The following DAB1 variants were observed in gnomAD, a reference collection of about 807,000 sequenced individuals.
The protein encoded by DAB1 is disabled homolog 1.
Under a neutral mutation model 64.6 loss-of-function variants are expected in DAB1, and 15 were observed. The ratio of observed to expected loss-of-function variants is 0.23; its 90% CI spans 0.16 to 0.36. The LOEUF is 0.36. Among genes scored for constraint, DAB1 ranks in the 10% least tolerant of loss-of-function variants. The pLI is 1.00. For synonymous variants in DAB1, 235 were observed against 251.9 expected (o/e 0.93, Z 0.64); for missense variants, 596 against 706.7 (o/e 0.84, Z 1.78).
chr1:57,304,577 C>T (rs1044916869), intron 1 of DAB1, among the ~76,000 whole-genome samples: 1 of 152,164 alleles, frequency 6.6e-6, no homozygotes, highest in African/African-American at 2.4e-5. Flanking sequence ...CTTTCTACCT[C>T]TGTAAAGCAG....
In DAB1 at chr1:57,889,292, C is replaced by T. The variant is rs901761403; in HGVS notation, n.388-5130G>A. ...TCATCAGTGAGTACTTGAGCTGTCG[C>T]TTATCAGTATATCTAACAGGCTAAT... On this transcript the variant is annotated intron_variant and non_coding_transcript_variant, in intron 5 of 20. Transcript: ENST00000485760. Among the ~76,000 whole-genome samples, 4 of 152,218 alleles carry T rather than the reference C, an allele frequency of 2.6e-5. No homozygotes were observed. The East Asian group carries it at 5.8e-4, about 22-fold the overall frequency.
At chr1:57,477,091 G>T (rs1643947580) in intron 7 of DAB1, among the ~76,000 whole-genome samples, 1 of 152,194 alleles carries the variant, frequency 6.6e-6, no homozygotes, top group Non-Finnish European at 1.5e-5. Flanking sequence ...CTTCACAGAA[G>T]AAACTGTGTC....
intron 4 of DAB1, among the ~76,000 whole-genome samples, chr1:58,245,543 G>C (rs1016192951): frequency 3.3e-5 from 5 of 152,108 alleles, no homozygotes; most frequent in Non-Finnish European, 7.4e-5. Context: ...CCTGCCTCTG[G>C]GTGCTCACAG....
Position 57,666,572 on chromosome 1 carries a change from C to T in DAB1, n.552-16907G>A, listed in dbSNP as rs183074314. Among the ~76,000 whole-genome samples the T allele has an allele frequency of 1.9e-3, 296 of 152,276 alleles. 1 individual carries two copies. The highest frequency in any genetic ancestry group is 6.8e-3 in the African/African-American group (281 of 41,564). On this transcript the variant is annotated intron_variant and non_coding_transcript_variant, in intron 6 of 20. Coordinates refer to the DAB1 transcript ENST00000485760. ...TCTTCATGTCAGAAAATTGCAACTG[C>T]ATTCTACAGGTTACTCAGGCCAAAA...
Position 57,987,353 on chromosome 1 carries a change from G to T in DAB1, n.388-103191C>A, listed in dbSNP as rs376051491. On this transcript the variant is annotated intron_variant and non_coding_transcript_variant, in intron 5 of 20. Coordinates refer to the DAB1 transcript ENST00000485760. ...TTGTTATTTTTACCTTTTGTGTGAG[G>T]TATTTCACTGATATGATCTCACTCA... Among the ~76,000 whole-genome samples the T allele has an allele frequency of 2.0e-5, 3 of 152,208 alleles. No homozygotes were observed. In the East Asian group the frequency reaches 5.8e-4, roughly 29 times the overall value.
At chr1:57,597,364 G>A (rs1048716210) in intron 7 of DAB1, among the ~76,000 whole-genome samples, 1 of 152,302 alleles carries the variant, frequency 6.6e-6, no homozygotes, top group South Asian at 2.1e-4. Context: ...GAGTCAACCA[G>A]GGGAAAAATT....
chr1:58,498,841 C>T (rs1051885614), intron 3 of DAB1, among the ~76,000 whole-genome samples: 5 of 151,998 alleles, frequency 3.3e-5, no homozygotes, highest in Non-Finnish European at 7.4e-5. Flanking sequence ...TTCACAAACA[C>T]TGCAATGGAA....
chr1:57,869,155 C>T (rs1299167702), intron 1 of DAB1, among the ~76,000 whole-genome samples: 1 of 152,062 alleles, frequency 6.6e-6, no homozygotes, highest in Non-Finnish European at 1.5e-5. Flanking sequence ...GCCAGTAAAA[C>T]TAAGGAAAAG....
intron 7 of DAB1, among the ~76,000 whole-genome samples, chr1:57,509,504 A>G (rs1229488852): frequency 6.6e-6 from 1 of 151,710 alleles, no homozygotes; most frequent in Non-Finnish European, 1.5e-5. Context: ...GGAGACAACC[A>G]CTCACACCTT....
chr1:57,324,816 A>T (rs1676020685), intron 1 of DAB1, among the ~76,000 whole-genome samples: 1 of 152,066 alleles, frequency 6.6e-6, no homozygotes, highest in African/African-American at 2.4e-5. Flanking sequence ...ACACTGCTCC[A>T]TCCCAGCCAT....
chr1:57,026,312 C>T (rs999774863), intron 9 of DAB1, among the ~76,000 whole-genome samples: 2 of 152,170 alleles, frequency 1.3e-5, no homozygotes, highest in Non-Finnish European at 2.9e-5. Flanking sequence ...GCAGTAATAA[C>T]ATTACTTCAC....
chr1:57,421,329 A>T (rs1320363265), intron 1 of DAB1, among the ~76,000 whole-genome samples: 1 of 152,182 alleles, frequency 6.6e-6, no homozygotes, highest in Non-Finnish European at 1.5e-5. Flanking sequence ...TTTTATTCAG[A>T]TTTTATCGTT....
intron 3 of DAB1, among the ~76,000 whole-genome samples, chr1:58,490,778 G>C (rs1001518245): frequency 1.3e-5 from 2 of 149,976 alleles, no homozygotes; most frequent in African/African-American, 4.9e-5. Flanking sequence ...AGAGAGTGGG[G>C]GCCAATAGTC....
intron 2 of DAB1, among the ~76,000 whole-genome samples, chr1:57,205,537 C>G (rs999041986): frequency 2.0e-5 from 3 of 152,184 alleles, no homozygotes; most frequent in African/African-American, 7.2e-5. Context: ...GCTTTACTTA[C>G]TTGAAAATAG....
chr1:57,353,114 T>TACACAC (rs10572319), intron 1 of DAB1, among the ~76,000 whole-genome samples: 1,494 of 145,616 alleles, frequency 0.01, 16 homozygotes, highest in African/African-American at 0.021. Flanking sequence ...TTTTTTTCCA[T>TACACAC]ACACACACAC....
chr1:58,354,996 A>G (rs993512117), intron 3 of DAB1, among the ~76,000 whole-genome samples: 2 of 152,154 alleles, frequency 1.3e-5, no homozygotes, highest in Non-Finnish European at 2.9e-5. Flanking sequence ...GTCCAGCTAT[A>G]ATCATCAAAC....
At chr1:57,415,808 C>T (rs1225063419) in intron 1 of DAB1, among the ~76,000 whole-genome samples, 2 of 152,160 alleles carry the variant, frequency 1.3e-5, no homozygotes, top group Non-Finnish European at 2.9e-5. Flanking sequence ...ACACCATCAC[C>T]AGGGACTAGG....
chr1:57,431,954 T>C (rs1397966204), intron 7 of DAB1, among the ~76,000 whole-genome samples: 1 of 152,028 alleles, frequency 6.6e-6, no homozygotes, highest in East Asian at 1.9e-4. Flanking sequence ...AAACCCCGTC[T>C]CTACTAAAAA....
In DAB1 at chr1:57,150,219, G is replaced by A. The variant is rs913918032; in HGVS notation, c.68-4790C>T. Among the ~76,000 whole-genome samples, 8 of 152,188 alleles carry A rather than the reference G, an allele frequency of 5.3e-5. No homozygotes were observed. In the East Asian group the frequency reaches 1.3e-3, roughly 26 times the overall value. ...CCCAGTATTAAAGAAATGACAAATA[G>A]CATACAAGACAGTGAGTGATTGGCA... On this transcript the variant is annotated intron_variant, in intron 2 of 14. Transcript: ENST00000371236.
Sources: allele counts gnomAD v4.1 joint callset (sites outside exome capture counted in the v4.1 genomes callset), GRCh38; gene constraint gnomAD v4.1.1; transcripts MANE v1.5; gene names NCBI Gene and HGNC (gene_info 2026-07-23, HGNC 2026-07-21).